The following CELF2 variants were observed in gnomAD, a reference collection of about 807,000 sequenced individuals.
CELF2 encodes the protein CUGBP Elav-like family member 2, also known as CUG triplet repeat RNA-binding protein 2.
CELF2 carries 8 observed loss-of-function variants against 62.6 expected under a neutral mutation model. That is an observed-to-expected ratio of 0.13 (90% CI 0.07 to 0.23). The LOEUF is 0.23. Ranked by LOEUF, CELF2 falls within the 10% of genes least tolerant of loss-of-function variation. CELF2 has a pLI of 1.00. For synonymous variants in CELF2, 258 were observed against 250.0 expected (o/e 1.03, Z -0.30); for missense variants, 333 against 671.0 (o/e 0.50, Z 5.56).
intron 1 of CELF2, among the ~76,000 whole-genome samples, chr10:11,143,896 A>G (rs901572727): frequency 6.6e-6 from 1 of 152,220 alleles, no homozygotes; most frequent in Admixed American, 6.5e-5. Flanking sequence ...TATTCTTCAA[A>G]AAGGAAACAA....
At chr10:10,521,701 C>A in the CELF2 span, among the ~76,000 whole-genome samples, 28 of 152,210 alleles carry the variant, frequency 1.8e-4, no homozygotes, top group African/African-American at 5.8e-4. Flanking sequence ...TGTTTACTTG[C>A]TAACCCTAAG....
chr10:10,511,851 T>C, the CELF2 span, among the ~76,000 whole-genome samples: 5 of 152,164 alleles, frequency 3.3e-5, no homozygotes, highest in Non-Finnish European at 7.3e-5. Context: ...GCTACTCTTG[T>C]TTTCTTTATT....
intron 2 of CELF2, among the ~76,000 whole-genome samples, chr10:11,175,864 C>A (rs888686646): frequency 6.6e-6 from 1 of 152,112 alleles, no homozygotes; most frequent in African/African-American, 2.4e-5. Context: ...GTGCTGAGAA[C>A]ATAAAGATGA....
intron 1 of CELF2, among the ~76,000 whole-genome samples, chr10:10,902,364 G>A (rs909862564): frequency 4.6e-5 from 7 of 152,132 alleles, no homozygotes; most frequent in Admixed American, 1.3e-4. Flanking sequence ...GAAAAATATC[G>A]ACACATAGGC....
intron 2 of CELF2, among the ~76,000 whole-genome samples, chr10:11,190,256 C>T (rs995926720): frequency 6.6e-6 from 1 of 152,142 alleles, no homozygotes; most frequent in Non-Finnish European, 1.5e-5. Context: ...CATACATGCC[C>T]ATTCAGTACA....
At chr10:10,924,281 CAAAAAAAAAAAAAAAA>C (rs11415164) in intron 2 of CELF2, among the ~76,000 whole-genome samples, 6 of 45,102 alleles carry the variant, frequency 1.3e-4, no homozygotes, top group Admixed American at 3.1e-4. Flanking sequence ...GACTCCGTCC[CAAAAAAAAAAAAAAAA>C]AAAAAAAAAA....
At chr10:10,862,710 A>G (rs759329549) in intron 1 of CELF2, among the ~76,000 whole-genome samples, 2 of 152,212 alleles carry the variant, frequency 1.3e-5, no homozygotes, top group Non-Finnish European at 2.9e-5. Flanking sequence ...ATGCTTTAAA[A>G]TCAACATACC....
chr10:11,301,646 C>A (rs918907110), intron 9 of CELF2, among the ~76,000 whole-genome samples: 4 of 149,556 alleles, frequency 2.7e-5, no homozygotes, highest in Non-Finnish European at 4.5e-5. Context: ...GGGAGCTGAG[C>A]GTGGCCCTCG....
the CELF2 span, among the ~76,000 whole-genome samples, chr10:10,640,487 A>G: frequency 6.6e-6 from 1 of 152,030 alleles, no homozygotes; most frequent in Non-Finnish European, 1.5e-5. Context: ...ACCAGGTGAG[A>G]TTTGGATCTT....
rs1253221805 is a variant in CELF2, at chr10:11,211,755, T to C, written c.272-5670T>C. On this transcript the variant is annotated intron_variant, in intron 2 of 12. Coordinates refer to ENST00000633077, the MANE Select transcript of CELF2 (RefSeq NM_001326342.2). The surrounding 1 kb of genome is among the most constrained non-coding windows in gnomAD (Gnocchi z 4.8). ...TTCTTTATGATTTTAAACACACTACTGTGTGTGAGTGAGTGAGAGTGTGTG... is the reference window on the plus strand; with the variant it reads ...TTCTTTATGATTTTAAACACACTACCGTGTGTGAGTGAGTGAGAGTGTGTG... Among the ~76,000 whole-genome samples, 1 of 151,926 alleles carries C rather than the reference T, an allele frequency of 6.6e-6. No individual in the cohort carries two copies. The highest frequency in any genetic ancestry group is 2.4e-5 in the African/African-American group (1 of 41,326).
chr10:10,486,323 A>G, the CELF2 span, among the ~76,000 whole-genome samples: 1 of 152,236 alleles, frequency 6.6e-6, no homozygotes, highest in Non-Finnish European at 1.5e-5. Flanking sequence ...AGAAAGGCTT[A>G]GAAACTGGCC....
rs2065689317 is a variant in CELF2 at position 11,223,969 on chromosome 10, G to A, written c.354+6462G>A. ...TAGCAGGTTGTTTTGGTTTTGGCTG[G>A]CAGTCTGTTGATTCAGTAATGTTGA... On this transcript the variant is annotated intron_variant, in intron 3 of 12. Coordinates refer to ENST00000633077, the MANE Select transcript of CELF2 (RefSeq NM_001326342.2). This position sits in a 1 kb window ranked among gnomAD's most constrained non-coding sequence, Gnocchi z 5.1. 6.6e-6 allele frequency among the ~76,000 whole-genome samples: 1 copy of A among 152,318 alleles called. No individual in the cohort carries two copies. Among genetic ancestry groups the A allele is most frequent in the Non-Finnish European group, 1.5e-5 (1 of 68,026 alleles).
At chr10:11,102,238 C>T (rs2051893691) in intron 1 of CELF2, 1 of 152,230 alleles carries the variant, frequency 6.6e-6, no homozygotes, top group South Asian at 2.1e-4. Flanking sequence ...GCCTTCCTTC[C>T]AGTCCATGGC....
At chr10:10,636,440 C>T in the CELF2 span, among the ~76,000 whole-genome samples, 2 of 152,298 alleles carry the variant, frequency 1.3e-5, no homozygotes, top group Non-Finnish European at 2.9e-5. Context: ...ATCAGATTCA[C>T]ATTTCTGTTA....
At chr10:10,497,079 G>A in the CELF2 span, among the ~76,000 whole-genome samples, 1 of 151,928 alleles carries the variant, frequency 6.6e-6, no homozygotes, top group Non-Finnish European at 1.5e-5. Flanking sequence ...TAATCCCAGG[G>A]GAAGCTGAGG....
At chr10:11,023,766 T>G (rs893920977) in intron 1 of CELF2, among the ~76,000 whole-genome samples, 1 of 152,240 alleles carries the variant, frequency 6.6e-6, no homozygotes. Context: ...TGTGAGCGTA[T>G]TTGAGATTTA....
rs957083077 is a variant in CELF2 at position 11,243,008 on chromosome 10, G to A, written c.355-6145G>A. Among the ~76,000 whole-genome samples, 14 of 152,204 alleles carry A rather than the reference G, an allele frequency of 9.2e-5. No individual in the cohort carries two copies. Among genetic ancestry groups the A allele is most frequent in the African/African-American group, 2.9e-4 (12 of 41,454 alleles). Reference sequence around the variant, plus strand: ...GGTGCAGAAGCTTAGCTTTGGGGTAGAAGGGACAGTGGGCCAGGGGCCTTC... The same window carrying A: ...GGTGCAGAAGCTTAGCTTTGGGGTAAAAGGGACAGTGGGCCAGGGGCCTTC... On this transcript the variant is annotated intron_variant, in intron 3 of 12. Coordinates refer to ENST00000633077, the MANE Select transcript of CELF2 (RefSeq NM_001326342.2). This position sits in a 1 kb window ranked among gnomAD's most constrained non-coding sequence, Gnocchi z 4.1.
intron 1 of CELF2, among the ~76,000 whole-genome samples, chr10:10,806,754 G>A (rs1209846433): frequency 1.3e-5 from 2 of 152,172 alleles, no homozygotes; most frequent in African/African-American, 4.8e-5. Context: ...AAGTGAAAAC[G>A]TTAACTTTGG....
chr10:10,493,025 T>C, the CELF2 span, among the ~76,000 whole-genome samples: 7 of 152,322 alleles, frequency 4.6e-5, no homozygotes, highest in East Asian at 1.3e-3. Context: ...ATGAAATCTG[T>C]TTTTCTTTAC....
Sources: gnomAD v4.1 joint callset for allele counts (sites outside exome capture counted in the v4.1 genomes callset) on GRCh38, gnomAD v4.1.1 for gene constraint, Gnocchi (gnomAD v3.1) non-coding constraint, MANE v1.5 for transcripts, NCBI Gene and HGNC (gene_info 2026-07-23, HGNC 2026-07-21) for gene names.